The following PXYLP1 variants were observed in gnomAD, a reference collection of about 807,000 sequenced individuals.
The protein encoded by PXYLP1 is 2-phosphoxylose phosphatase 1.
PXYLP1 carries 17 observed loss-of-function variants against 37.9 expected under a neutral mutation model. That is an observed-to-expected ratio of 0.45 (90% CI 0.31 to 0.67). The LOEUF is 0.67. Among genes scored for constraint, PXYLP1 ranks in the 30% least tolerant of loss-of-function variants. The pLI is 0.07. For missense variants in PXYLP1, 511 were observed against 612.0 expected (o/e 0.84, Z 1.74); for synonymous variants, 221 against 232.2 (o/e 0.95, Z 0.44).
At chr3:141,248,364 G>A (rs561770076) in intron 1 of PXYLP1, among the ~76,000 whole-genome samples, 60 of 151,958 alleles carry the variant, frequency 3.9e-4, no homozygotes, top group African/African-American at 1.4e-3. Flanking sequence ...TTATTGGCAG[G>A]GAGCTGGGAC....
intron 4 of PXYLP1, among the ~76,000 whole-genome samples, chr3:141,285,144 C>CTTTTCTTTT (rs763505752): frequency 8.9e-5 from 7 of 78,790 alleles, no homozygotes; most frequent in East Asian, 3.5e-4. Flanking sequence ...TTTTCTTTTT[C>CTTTTCTTTT]TTTTTTTTTT....
At chr3:141,257,925 A>AAC (rs1553752409) in intron 1 of PXYLP1, among the ~76,000 whole-genome samples, 1 of 135,988 alleles carries the variant, frequency 7.4e-6, no homozygotes, top group Non-Finnish European at 1.5e-5. Context: ...AAAAAAAAAA[A>AAC]AGAGAGAGAG....
rs968664586 is a variant in PXYLP1 at position 141,294,486 on chromosome 3, G to A, written c.*1281G>A. ...TAGAAGCAATTATAATTACATCTGT[G>A]ATTTCTGAACTAATGGTGCTAATTC... On this transcript the variant is annotated 3_prime_UTR_variant, in exon 6 of 6. Coordinates refer to ENST00000286353, the MANE Select transcript of PXYLP1 (RefSeq NM_001037172.3). 3.9e-5 allele frequency: 6 copies of A among 152,194 alleles called. No homozygotes were observed. Among genetic ancestry groups the A allele is most frequent in the African/African-American group, 1.4e-4 (6 of 41,446 alleles). The allele number at this position is 152,194 out of a possible 1,614,324, so 9.4% of individuals were successfully genotyped here. A position where few individuals can be genotyped will look rare whatever the true frequency, so the allele number is the denominator to read the frequency against.
chr3:141,253,313 C>T (rs1411212490), intron 1 of PXYLP1, among the ~76,000 whole-genome samples: 2 of 152,160 alleles, frequency 1.3e-5, no homozygotes, highest in African/African-American at 4.8e-5. Context: ...CAGGGGCACC[C>T]CAGCTCCGCC....
intron 1 of PXYLP1, chr3:141,258,746 A>G (rs1941322775): frequency 6.3e-6 from 1 of 158,142 alleles, no homozygotes; most frequent in African/African-American, 2.4e-5. Flanking sequence ...CTGTTACCAC[A>G]TTCAAAAATC....
intron 1 of PXYLP1, among the ~76,000 whole-genome samples, chr3:141,232,780 A>T (rs1201769946): frequency 6.6e-6 from 1 of 152,256 alleles, no homozygotes; most frequent in Admixed American, 6.5e-5. Flanking sequence ...TTCACGGTGC[A>T]GGACGTGGAG....
chr3:141,257,768 G>C (rs895693664), intron 1 of PXYLP1, among the ~76,000 whole-genome samples: 1 of 152,080 alleles, frequency 6.6e-6, no homozygotes, highest in African/African-American at 2.4e-5. Context: ...CGGGTGTGTG[G>C]TGGCAGCCAC....
At chr3:141,237,578 T>C (rs1307508339) in intron 1 of PXYLP1, among the ~76,000 whole-genome samples, 2 of 152,222 alleles carry the variant, frequency 1.3e-5, no homozygotes, top group African/African-American at 4.8e-5. Flanking sequence ...AATATAATAA[T>C]ACATGATGAG....
chr3:141,247,131 C>T (rs925837168), intron 1 of PXYLP1, among the ~76,000 whole-genome samples: 1 of 152,244 alleles, frequency 6.6e-6, no homozygotes, highest in Non-Finnish European at 1.5e-5. Flanking sequence ...ATTCCAGGCA[C>T]CTGCCCAGCT....
Position 141,278,540 on chromosome 3 carries a change from G to C in PXYLP1, c.238+40G>C, listed in dbSNP as rs760192598. On this transcript the variant is annotated intron_variant, in intron 3 of 5. Transcript: ENST00000286353. Reference sequence around the variant, plus strand: ...GCCACCAGGACAGATACCCCTTTGGGGACTAGTTATTCCAGCAGCATTGCA... The same window carrying C: ...GCCACCAGGACAGATACCCCTTTGGCGACTAGTTATTCCAGCAGCATTGCA... 6.8e-6 allele frequency: 11 copies of C among 1,608,334 alleles called. 2 individuals carry two copies. The South Asian group carries it at 1.2e-4, about 18-fold the overall frequency.
At chr3:141,281,715 G>A (rs1941960716) in intron 4 of PXYLP1, among the ~76,000 whole-genome samples, 3 of 152,202 alleles carry the variant, frequency 2.0e-5, no homozygotes, top group Admixed American at 6.5e-5. Flanking sequence ...CCAGAAAGGT[G>A]TGCAGGAGCA....
chr3:141,272,607 G>A (rs970640116), intron 2 of PXYLP1: 3 of 153,354 alleles, frequency 2.0e-5, no homozygotes, highest in Non-Finnish European at 4.3e-5. Flanking sequence ...AGTTTATTAA[G>A]TATTAACTCA....
chr3:141,264,807 G>C (rs968661759), intron 2 of PXYLP1, among the ~76,000 whole-genome samples: 3 of 152,264 alleles, frequency 2.0e-5, no homozygotes, highest in African/African-American at 7.2e-5. Flanking sequence ...CTGTAAAATG[G>C]GGACAATGAT....
intron 1 of PXYLP1, among the ~76,000 whole-genome samples, chr3:141,237,164 T>C (rs186956130): frequency 1.1e-4 from 16 of 152,326 alleles, no homozygotes; most frequent in Admixed American, 7.2e-4. Flanking sequence ...CCACGTTGCT[T>C]GATAACCAAA....
Position 141,293,100 on chromosome 3 carries a change from G to A in PXYLP1, c.1338G>A (p.Met446Ile). 1.2e-6 allele frequency: 2 copies of A among 1,614,214 alleles called. No individual in the cohort carries two copies. The highest frequency in any genetic ancestry group is 1.7e-6 in the Non-Finnish European group (2 of 1,180,050). ...QDHHKRSPKP[M>I]CPLENLVRFV... ...ACCACAAGCGTTCTCCCAAGCCCAT[G>A]TGCCCGCTTGAAAACTTGGTCCGCT... The change falls in exon 6 of 6, where the codon ATG becomes ATA. Residue 446 changes from methionine (M) to isoleucine (I), a missense_variant. By Grantham distance (10) the Met-to-Ile change is conservative (BLOSUM62 1). Transcript: ENST00000286353.
At chr3:141,246,042 A>C (rs991758196) in intron 1 of PXYLP1, among the ~76,000 whole-genome samples, 1 of 152,174 alleles carries the variant, frequency 6.6e-6, no homozygotes, top group Admixed American at 6.5e-5. Flanking sequence ...GACCGACTAA[A>C]CCTGGAGAAG....
intron 1 of PXYLP1, among the ~76,000 whole-genome samples, chr3:141,254,626 C>T (rs535623827): frequency 2.6e-5 from 4 of 152,022 alleles, no homozygotes; most frequent in Non-Finnish European, 4.4e-5. Flanking sequence ...TCCACTTTGA[C>T]GTGACTTTGG....
chr3:141,269,286 G>A (rs568648556), intron 2 of PXYLP1, among the ~76,000 whole-genome samples: 8 of 152,320 alleles, frequency 5.3e-5, no homozygotes, highest in East Asian at 1.9e-4. Flanking sequence ...GTGACCATCC[G>A]TCACCATTCC....
chr3:141,272,404 A>G (rs1334368639), intron 2 of PXYLP1, among the ~76,000 whole-genome samples: 2 of 152,184 alleles, frequency 1.3e-5, no homozygotes, highest in Non-Finnish European at 2.9e-5. Flanking sequence ...TCAATGGAAT[A>G]AACAAAAAAT....
Sources: allele counts gnomAD v4.1 joint callset (sites outside exome capture counted in the v4.1 genomes callset), GRCh38; gene constraint gnomAD v4.1.1; transcripts MANE v1.5; gene names NCBI Gene and HGNC (gene_info 2026-07-23, HGNC 2026-07-21).